The following LRRK2 variants were observed in gnomAD, a reference collection of about 807,000 sequenced individuals.
LRRK2 encodes the protein leucine-rich repeat serine/threonine-protein kinase 2.
In LRRK2, 203 loss-of-function variants were observed where a neutral mutation model predicts 302.6. That is an observed-to-expected ratio of 0.67 (90% CI 0.60 to 0.75). The LOEUF is 0.75. Among genes scored for constraint, LRRK2 ranks in the 30% least tolerant of loss-of-function variants. The pLI, the probability that LRRK2 is intolerant of heterozygous loss-of-function variation, is 0.00. For missense variants in LRRK2, 2,830 were observed against 2,951.0 expected, an observed-to-expected ratio of 0.96 and a Z score of 0.95; for synonymous variants, 1,066 against 1,031.9, an observed-to-expected ratio of 1.03 and a Z score of -0.63.
intron 41 of LRRK2, among the ~76,000 whole-genome samples, chr12:40,341,037 C>T (rs1192693674): frequency 1.3e-5 from 2 of 152,160 alleles, no homozygotes; most frequent in African/African-American, 4.8e-5. Flanking sequence ...GGTTTCTGTA[C>T]ACATCACTGT....
At chr12:40,342,627 C>T (rs1239553834) in intron 41 of LRRK2, among the ~76,000 whole-genome samples, 1 of 152,158 alleles carries the variant, frequency 6.6e-6, no homozygotes, top group Non-Finnish European at 1.5e-5. Flanking sequence ...ACTGCTACTA[C>T]TACTACCATC....
intron 38 of LRRK2, 54 bp downstream of exon 38, chr12:40,323,360 T>C (rs778104726): frequency 2.1e-4 from 301 of 1,432,596 alleles, no homozygotes; most frequent in Non-Finnish European, 2.6e-4. Flanking sequence ...TTTCTCCTTA[T>C]AATTTAGAAA....
chr12:40,319,995 C>A lies in LRRK2; in HGVS notation c.4835C>A (p.Thr1612Lys). 1.2e-6 allele frequency: 2 copies of A among 1,607,792 alleles called. No homozygotes were observed. Among genetic ancestry groups the A allele is most frequent in the Non-Finnish European group, 1.7e-6 (2 of 1,176,900 alleles). ...ATGACTCGAATCTTTCAGATTTTGA[C>A]AGTGAAAGTGGAAGGTTGTCCAAAA... ...WLCKIMAQIL[T>K]VKVEGCPKHP... The change falls in exon 34 of 51, where the codon ACA (threonine) becomes AAA (lysine). Residue 1612 changes from threonine to lysine, a missense_variant. Physicochemically the swap from Thr to Lys is moderately conservative, Grantham distance 78. Transcript: ENST00000298910.
In LRRK2 at chr12:40,283,902, T is replaced by C. The variant is rs745323139; in HGVS notation, c.2269T>C (p.Leu757=). ...QVCEKESSPK[L]VELLLNSGSR... is the part of the protein sequence containing the mutation. ...ATGTGAGAAAGAGAGCAGTCCCAAA[T>C]TGGTGGAACTCTTACTGAATAGTGG... Residue 757 remains leucine, a synonymous_variant, in exon 19 of 51, where the codon TTG becomes CTG. Coordinates refer to ENST00000298910, the MANE Select transcript of LRRK2 (RefSeq NM_198578.4). 4.3e-6 allele frequency: 7 copies of C among 1,613,134 alleles called. No individual in the cohort carries two copies. Among genetic ancestry groups the C allele is most frequent in the East Asian group, 2.2e-5 (1 of 44,850 alleles).
chr12:40,257,827 C>G (rs1051082141), intron 12 of LRRK2, among the ~76,000 whole-genome samples: 3 of 151,936 alleles, frequency 2.0e-5, no homozygotes, highest in Non-Finnish European at 4.4e-5. Flanking sequence ...TTAACTACAT[C>G]TAGTCCAAGT....
chr12:40,337,311 G>A (rs1945900852), intron 40 of LRRK2, among the ~76,000 whole-genome samples: 1 of 152,100 alleles, frequency 6.6e-6, no homozygotes. Flanking sequence ...CCTCCATCTT[G>A]CTTTTAACTG....
chr12:40,243,443 G>A, intron 6 of LRRK2, 107 bp from the exon 7 acceptor site: 1 of 1,258,734 alleles, frequency 7.9e-7, no homozygotes, highest in African/African-American at 1.5e-5. Flanking sequence ...TGGAAATGCA[G>A]TCATTATGCT....
At chr12:40,365,444 C>T (rs984614617) in intron 49 of LRRK2, 1 of 172,938 alleles carries the variant, frequency 5.8e-6, no homozygotes, top group Admixed American at 5.8e-5. Flanking sequence ...GTTTTTCATT[C>T]TATAACAAAT....
At chr12:40,302,032 G>T (rs897063274) in intron 25 of LRRK2, among the ~76,000 whole-genome samples, 6 of 152,016 alleles carry the variant, frequency 3.9e-5, no homozygotes, top group African/African-American at 1.2e-4. Context: ...CAGAAAATTA[G>T]CTGGACATGA....
intron 38 of LRRK2, among the ~76,000 whole-genome samples, chr12:40,326,503 C>T (rs1252368389): frequency 6.7e-6 from 1 of 150,042 alleles, no homozygotes; most frequent in Non-Finnish European, 1.5e-5. Flanking sequence ...AAAAAAACAA[C>T]TAGAAGTCCC....
intron 3 of LRRK2, 171 bp downstream of exon 3, chr12:40,232,554 C>T (rs1941252364): frequency 1.8e-6 from 1 of 571,024 alleles, no homozygotes; most frequent in Admixed American, 3.0e-5. Context: ...GCTTTAAACT[C>T]AGAAGTTTGA....
At chr12:40,314,914 A>ACACT (rs1945165585) in intron 32 of LRRK2, among the ~76,000 whole-genome samples, 1 of 152,052 alleles carries the variant, frequency 6.6e-6, no homozygotes, top group Non-Finnish European at 1.5e-5. Context: ...TGTAGTGTGT[A>ACACT]TTCAGCAAGC....
chr12:40,228,550 T>C (rs558479338), intron 2 of LRRK2, among the ~76,000 whole-genome samples: 1 of 151,884 alleles, frequency 6.6e-6, no homozygotes, highest in Admixed American at 6.6e-5. Context: ...CTTTATGTTG[T>C]CTCTTCACTT....
intron 38 of LRRK2, among the ~76,000 whole-genome samples, chr12:40,324,636 CA>C (rs1248426502): frequency 3.3e-5 from 5 of 152,110 alleles, no homozygotes; most frequent in Non-Finnish European, 7.4e-5. Flanking sequence ...ATATTATTAG[CA>C]AAAAGTTGTC....
At chr12:40,325,214 G>A (rs946972082) in intron 38 of LRRK2, among the ~76,000 whole-genome samples, 6 of 152,192 alleles carry the variant, frequency 3.9e-5, no homozygotes, top group African/African-American at 1.4e-4. Context: ...TTGAACCTGG[G>A]AGGCGGAGGT....
chr12:40,293,903 A>G (rs1565721000), intron 21 of LRRK2, among the ~76,000 whole-genome samples: 1 of 150,348 alleles, frequency 6.7e-6, no homozygotes, highest in Admixed American at 6.7e-5. Flanking sequence ...GCACATATAT[A>G]TATATATATA....
At chr12:40,268,361 T>A (rs571585230) in intron 14 of LRRK2, among the ~76,000 whole-genome samples, 1 of 152,148 alleles carries the variant, frequency 6.6e-6, no homozygotes, top group African/African-American at 2.4e-5. Context: ...ATACCAAGCT[T>A]AAATATTGAA....
intron 39 of LRRK2, among the ~76,000 whole-genome samples, chr12:40,332,431 G>A (rs1945738909): frequency 6.6e-6 from 1 of 152,198 alleles, no homozygotes; most frequent in Non-Finnish European, 1.5e-5. Context: ...GGTGAGAGAG[G>A]AAGTAAAATT....
At chr12:40,341,590 G>C (rs977535146) in intron 41 of LRRK2, among the ~76,000 whole-genome samples, 2 of 152,104 alleles carry the variant, frequency 1.3e-5, no homozygotes, top group African/African-American at 4.8e-5. Context: ...CCTGCTGTGC[G>C]TCAGGCCCAG....
Sources: gnomAD v4.1 joint callset for allele counts (sites outside exome capture counted in the v4.1 genomes callset) on GRCh38, gnomAD v4.1.1 for gene constraint, MANE v1.5 for transcripts, NCBI Gene and HGNC (gene_info 2026-07-23, HGNC 2026-07-21) for gene names.